COL21A1: variants seen among roughly 807,000 people sequenced by gnomAD.
The protein encoded by COL21A1 is collagen type XXI alpha 1 chain, also known as collagen alpha-1(XXI) chain.
In COL21A1, 149 loss-of-function variants were observed where a neutral mutation model predicts 137.9. The ratio of observed to expected loss-of-function variants is 1.08; its 90% CI spans 0.95 to 1.24. The LOEUF (loss-of-function observed/expected upper bound fraction) is 1.24, where lower values mean the gene tolerates loss of function less well. COL21A1 is among the 50% of genes most tolerant of loss of function. COL21A1 has a pLI of 0.00. For missense variants in COL21A1, 1,167 were observed against 1,158.4 expected, an observed-to-expected ratio of 1.01 and a Z score of -0.11; for synonymous variants, 456 against 391.5, an observed-to-expected ratio of 1.16 and a Z score of -1.95.
At chr6:56,271,209 G>A (rs1048803120) in intron 1 of COL21A1, among the ~76,000 whole-genome samples, 3 of 152,168 alleles carry the variant, frequency 2.0e-5, no homozygotes, top group African/African-American at 4.8e-5. Context: ...TGGAGATGAG[G>A]AACTTACTGG....
intron 12 of COL21A1, among the ~76,000 whole-genome samples, chr6:56,135,662 C>T (rs1211542063): frequency 1.3e-5 from 2 of 152,104 alleles, no homozygotes; most frequent in African/African-American, 4.8e-5. Context: ...ATGTTTCTTA[C>T]AGTCTTATTG....
At chr6:56,160,460 CACAATAAT>C in intron 9 of COL21A1, among the ~76,000 whole-genome samples, 1 of 151,972 alleles carries the variant, frequency 6.6e-6, no homozygotes, top group East Asian at 1.9e-4. Flanking sequence ...CATTCCTGTC[CACAATAAT>C]ACACTGATCA....
At chr6:56,163,362 G>A (rs1018032443) in intron 9 of COL21A1, among the ~76,000 whole-genome samples, 1 of 152,160 alleles carries the variant, frequency 6.6e-6, no homozygotes, top group Non-Finnish European at 1.5e-5. Context: ...ACACTTCTTA[G>A]TGTCTTACTT....
At chr6:56,158,952 G>T (rs1481790870) in intron 9 of COL21A1, among the ~76,000 whole-genome samples, 2 of 152,196 alleles carry the variant, frequency 1.3e-5, no homozygotes, top group African/African-American at 4.8e-5. Flanking sequence ...AGGACTTGCA[G>T]TGGTGGCTGG....
chr6:56,252,458 T>A (rs1010605492), upstream of COL21A1, among the ~76,000 whole-genome samples: 4 of 152,198 alleles, frequency 2.6e-5, no homozygotes, highest in East Asian at 1.9e-4. Flanking sequence ...ATTTATTTTT[T>A]AAAAAATGAA....
chr6:56,303,055 T>C (rs928218613), intron 1 of COL21A1, among the ~76,000 whole-genome samples: 1 of 152,198 alleles, frequency 6.6e-6, no homozygotes, highest in Non-Finnish European at 1.5e-5. Context: ...CGTGGCATTA[T>C]TTCTGAGGGC....
At chr6:56,351,790 T>C (rs111382217) in intron 1 of COL21A1, among the ~76,000 whole-genome samples, 1 of 152,102 alleles carries the variant, frequency 6.6e-6, no homozygotes, top group Non-Finnish European at 1.5e-5. Flanking sequence ...GATTGCTTGA[T>C]AAAACAAAAA....
intron 14 of COL21A1, 78 bp downstream of exon 14, chr6:56,125,489 A>G: frequency 1.0e-6 from 1 of 967,342 alleles, no homozygotes; most frequent in East Asian, 2.6e-5. Context: ...ATGCTGGGTT[A>G]GAACTGCAAT....
intron 17 of COL21A1, among the ~76,000 whole-genome samples, chr6:56,096,690 G>A (rs1037899180): frequency 6.6e-6 from 1 of 151,992 alleles, no homozygotes; most frequent in Non-Finnish European, 1.5e-5. Flanking sequence ...CTGCTTACAG[G>A]GATGAATCAC....
intron 1 of COL21A1, among the ~76,000 whole-genome samples, chr6:56,339,721 C>T (rs1011446665): frequency 1.3e-5 from 2 of 152,198 alleles, no homozygotes; most frequent in Non-Finnish European, 2.9e-5. Context: ...AAAGCTTGTG[C>T]AGACACCATG....
chr6:56,091,650 C>T (rs1450541898), intron 17 of COL21A1: 1 of 152,474 alleles, frequency 6.6e-6, no homozygotes, highest in Non-Finnish European at 1.5e-5. Context: ...GAGCAGAGAA[C>T]TAGAAAGCAA....
At chr6:56,172,239 T>G (rs1777125564) in intron 3 of COL21A1, among the ~76,000 whole-genome samples, 2 of 151,954 alleles carry the variant, frequency 1.3e-5, no homozygotes, top group Non-Finnish European at 2.9e-5. Flanking sequence ...AATCTAATCG[T>G]CAAAAGTTAA....
At chr6:56,195,284 C>T (rs1453486891) in intron 1 of COL21A1, among the ~76,000 whole-genome samples, 1 of 152,182 alleles carries the variant, frequency 6.6e-6, no homozygotes, top group African/African-American at 2.4e-5. Flanking sequence ...GGTCCATAGA[C>T]CATACTTTGT....
intron 1 of COL21A1, among the ~76,000 whole-genome samples, chr6:56,385,162 T>C (rs2094015578): frequency 2.6e-5 from 4 of 152,228 alleles, no homozygotes. Context: ...GTGGCTTTCA[T>C]GGTGTATTGT....
At chr6:56,325,932 A>C (rs71550512) in intron 1 of COL21A1, among the ~76,000 whole-genome samples, 47,160 of 55,946 alleles carry the variant, frequency 0.84, 19,332 homozygotes, top group South Asian at 0.97. Context: ...TAATATATAT[A>C]ATATATATTA....
At chr6:56,061,714 G>A (rs966355562) in intron 24 of COL21A1, 33 bp from the exon 25 acceptor site, 55 of 1,472,952 alleles carry the variant, frequency 3.7e-5, no homozygotes, top group Non-Finnish European at 4.9e-5. Context: ...TATAATAAAT[G>A]TGCAAGCTAC....
chr6:56,315,986 A>AT (rs1210744329), intron 1 of COL21A1, among the ~76,000 whole-genome samples: 1 of 152,150 alleles, frequency 6.6e-6, no homozygotes, highest in Non-Finnish European at 1.5e-5. Context: ...AATATATACA[A>AT]TTTTTATTTG....
At chr6:56,380,126 A>C (rs1222721051) in intron 1 of COL21A1, among the ~76,000 whole-genome samples, 1 of 152,114 alleles carries the variant, frequency 6.6e-6, no homozygotes, top group Non-Finnish European at 1.5e-5. Context: ...AACCCCCTCT[A>C]GTTTACACGA....
At chr6:56,282,428 A>G (rs1763805948) in intron 1 of COL21A1, among the ~76,000 whole-genome samples, 1 of 152,244 alleles carries the variant, frequency 6.6e-6, no homozygotes, top group African/African-American at 2.4e-5. Context: ...AACTAAAATT[A>G]CAGACAAAGG....
Sources: gnomAD v4.1 joint callset for allele counts (sites outside exome capture counted in the v4.1 genomes callset) on GRCh38, gnomAD v4.1.1 for gene constraint, MANE v1.5 for transcripts, NCBI Gene and HGNC (gene_info 2026-07-23, HGNC 2026-07-21) for gene names.